The following ANKRD26 variants were observed in gnomAD, a reference collection of about 807,000 sequenced individuals.
ANKRD26 encodes the protein ankyrin repeat domain-containing protein 26.
ANKRD26 carries 141 observed loss-of-function variants against 208.7 expected under a neutral mutation model. The ratio of observed to expected loss-of-function variants is 0.68; its 90% confidence interval spans 0.59 to 0.78. ANKRD26 has a LOEUF of 0.78. Ranked by LOEUF, ANKRD26 falls within the 30% of genes least tolerant of loss-of-function variation. The pLI, the probability that ANKRD26 is intolerant of heterozygous loss-of-function variation, is 0.00. For synonymous variants in ANKRD26, 636 were observed against 660.4 expected (o/e 0.96, Z 0.57); for missense variants, 1,889 against 1,938.7 (o/e 0.97, Z 0.48).
chr10:27,091,713 C>G (rs868646186), intron 4 of ANKRD26, among the ~76,000 whole-genome samples: 4 of 152,098 alleles, frequency 2.6e-5, no homozygotes, highest in African/African-American at 7.2e-5. Context: ...AGTGGCCGGG[C>G]GCAGTGGCTT....
At chr10:26,957,966 T>G in the ANKRD26 span, among the ~76,000 whole-genome samples, 2 of 152,048 alleles carry the variant, frequency 1.3e-5, no homozygotes, top group African/African-American at 4.8e-5. Context: ...TTTCTTTTTC[T>G]TTTCATCTTT....
chr10:26,949,959 T>C, the ANKRD26 span, among the ~76,000 whole-genome samples: 12 of 152,236 alleles, frequency 7.9e-5, no homozygotes, highest in Admixed American at 7.2e-4. Flanking sequence ...TTAGTTATGA[T>C]TGAAAAAACC....
chr10:27,088,177 C>T (rs1365534351), intron 4 of ANKRD26: 1 of 152,152 alleles, frequency 6.6e-6, no homozygotes, highest in African/African-American at 2.4e-5. Context: ...ACGTAACATC[C>T]CATGTGTTAG....
At chr10:26,999,330 T>G (rs2052667416), downstream of ANKRD26, among the ~76,000 whole-genome samples, 1 of 152,176 alleles carries the variant, frequency 6.6e-6, no homozygotes, top group Non-Finnish European at 1.5e-5. Context: ...GTTGTAACTT[T>G]TTGTTGCGCA....
chr10:27,000,726 AG>A (rs1211853866), downstream of ANKRD26, among the ~76,000 whole-genome samples: 1 of 152,196 alleles, frequency 6.6e-6, no homozygotes, highest in African/African-American at 2.4e-5. Context: ...AGAATAGGCC[AG>A]GCACGGTGGC....
chr10:26,950,449 T>C, the ANKRD26 span, among the ~76,000 whole-genome samples: 1 of 126,254 alleles, frequency 7.9e-6, no homozygotes, highest in African/African-American at 2.9e-5. Context: ...TATACTCATG[T>C]TGAGGTGTAA....
chr10:27,096,181 T>C (rs1340700277), intron 1 of ANKRD26, among the ~76,000 whole-genome samples: 2 of 152,198 alleles, frequency 1.3e-5, no homozygotes, highest in Non-Finnish European at 2.9e-5. Context: ...GAGATTCACA[T>C]CAAGCTCTAT....
At chr10:26,956,498 A>T in the ANKRD26 span, among the ~76,000 whole-genome samples, 1 of 152,134 alleles carries the variant, frequency 6.6e-6, no homozygotes, top group Non-Finnish European at 1.5e-5. Flanking sequence ...CAGGCACAGT[A>T]GCTCACTTCT....
At chr10:27,023,085 T>C (rs528288619) in intron 28 of ANKRD26, among the ~76,000 whole-genome samples, 1 of 152,270 alleles carries the variant, frequency 6.6e-6, no homozygotes, top group Non-Finnish European at 1.5e-5. Context: ...TTCCAGCACT[T>C]TGGGAGACCG....
At chr10:27,015,138 A>G (rs72805463) in intron 30 of ANKRD26, among the ~76,000 whole-genome samples, 5,375 of 152,344 alleles carry the variant, frequency 0.035, 114 homozygotes, top group Non-Finnish European at 0.054. Context: ...GTGTTAAAAT[A>G]TATTCATGGG....
chr10:27,016,579 GT>G (rs71281566), intron 30 of ANKRD26, among the ~76,000 whole-genome samples: 109 of 145,752 alleles, frequency 7.5e-4, no homozygotes, highest in African/African-American at 2.2e-3. Context: ...GCCCAGCTTT[GT>G]TTTTTTTTTT....
downstream of ANKRD26, among the ~76,000 whole-genome samples, chr10:26,971,675 C>CAAAAAAAAAAAAAA (rs1170237211): frequency 3.4e-5 from 3 of 89,440 alleles, no homozygotes; most frequent in African/African-American, 7.5e-5. Flanking sequence ...GACCATGTCT[C>CAAAAAAAAAAAAAA]AAAAAAAAAA....
intron 22 of ANKRD26, 148 bp downstream of exon 22, chr10:27,037,723 A>T: frequency 4.4e-6 from 3 of 682,478 alleles, no homozygotes; most frequent in Non-Finnish European, 7.1e-6. Context: ...AAGATTTATC[A>T]TGAATAATTT....
chr10:26,983,050 CACCTTGG>C (rs1564330927), intron 3 of ANKRD26, among the ~76,000 whole-genome samples: 2 of 152,134 alleles, frequency 1.3e-5, no homozygotes, highest in African/African-American at 4.8e-5. Flanking sequence ...GCAAAGGTTC[CACCTTGG>C]GCTGCAGTGA....
intron 1 of ANKRD26, among the ~76,000 whole-genome samples, chr10:27,099,057 C>A (rs1334220341): frequency 6.6e-6 from 1 of 152,088 alleles, no homozygotes; most frequent in Non-Finnish European, 1.5e-5. Flanking sequence ...ATGGCACGAT[C>A]TTGGCTCACT....
intron 33 of ANKRD26, 22 bp downstream of exon 33, chr10:27,006,895 T>C: frequency 6.4e-7 from 1 of 1,570,808 alleles, no homozygotes; most frequent in Non-Finnish European, 8.8e-7. Flanking sequence ...CTAAATTTAA[T>C]TCATGAAGTT....
Position 27,053,362 on chromosome 10 carries a change from T to C in ANKRD26, c.1593A>G (p.Glu531=). 2 of 1,611,508 alleles carry C rather than the reference T, an allele frequency of 1.2e-6. No homozygotes were observed. The highest frequency in any genetic ancestry group is 1.7e-6 in the Non-Finnish European group (2 of 1,178,824). ...CACTCCCTTCCCTTTCTTGCTCTTCTTCTGATGCTACTTCTAAGTCATGTT... is the reference window on the plus strand; with the variant it reads ...CACTCCCTTCCCTTTCTTGCTCTTCCTCTGATGCTACTTCTAAGTCATGTT... ...AAEHDLEVAS[E]EEQEREGSEN... Residue 531 remains glutamate (E), a synonymous_variant, in exon 16 of 34, where the codon GAA becomes GAG. Transcript: ENST00000376087.
chr10:26,948,798 G>A, the ANKRD26 span, among the ~76,000 whole-genome samples: 1 of 152,082 alleles, frequency 6.6e-6, no homozygotes, highest in Non-Finnish European at 1.5e-5. Context: ...GACTAGCCTG[G>A]CCAACATGGT....
intron 33 of ANKRD26, among the ~76,000 whole-genome samples, chr10:27,006,157 T>C (rs539429609): frequency 6.6e-6 from 1 of 152,272 alleles, no homozygotes; most frequent in African/African-American, 2.4e-5. Flanking sequence ...TCTGAGTCAA[T>C]AACGTAGGCT....
Sources: allele counts gnomAD v4.1 joint callset (sites outside exome capture counted in the v4.1 genomes callset), GRCh38; gene constraint gnomAD v4.1.1; transcripts MANE v1.5; gene names NCBI Gene and HGNC (gene_info 2026-07-23, HGNC 2026-07-21).